QNG1: variants seen among roughly 807,000 people sequenced by gnomAD.
The protein encoded by QNG1 is queuosine 5'-phosphate N-glycosylase/hydrolase.
the QNG1 span, among the ~76,000 whole-genome samples, chr9:83,944,575 TG>T: frequency 6.6e-6 from 1 of 152,244 alleles, no homozygotes. Context: ...GAAATTATAA[TG>T]TTCAAATAGC....
chr9:83,951,169 C>A, the QNG1 span, among the ~76,000 whole-genome samples: 1 of 152,048 alleles, frequency 6.6e-6, no homozygotes, highest in Non-Finnish European at 1.5e-5. Flanking sequence ...TACTCGGGAG[C>A]TGAGGTGGGA....
chr9:83,944,682 A>G, the QNG1 span: 3 of 810,310 alleles, frequency 3.7e-6, no homozygotes, highest in Non-Finnish European at 1.9e-6. Context: ...TACATATACT[A>G]TGAACAATAA....
At chr9:83,944,218 A>G in the QNG1 span, among the ~76,000 whole-genome samples, 1 of 152,234 alleles carries the variant, frequency 6.6e-6, no homozygotes, top group Admixed American at 6.5e-5. Context: ...TGAAAATCAT[A>G]TAATTATTTT....
the QNG1 span, among the ~76,000 whole-genome samples, chr9:83,948,953 T>G: frequency 5.9e-5 from 9 of 151,932 alleles, no homozygotes; most frequent in Non-Finnish European, 1.2e-4. Context: ...ACACAAACAC[T>G]GCGGAAGGCC....
At chr9:83,956,566 CCTTGCGCTACTA>C in the QNG1 span, 1 of 1,380,528 alleles carries the variant, frequency 7.2e-7, no homozygotes, top group Non-Finnish European at 9.8e-7. Context: ...CCACTCTGCG[CCTTGCGCTACTA>C]CGAACCGCGC....
chr9:83,956,131 G>A, the QNG1 span: 1 of 1,599,676 alleles, frequency 6.3e-7, no homozygotes. Flanking sequence ...AACCTCAAAG[G>A]CCGTTAGGTC....
At chr9:83,948,294 AAGTGAGGAGCCCCTCCGCCCGGCAGCCG>A in the QNG1 span, among the ~76,000 whole-genome samples, 1,088 of 147,964 alleles carry the variant, frequency 7.4e-3, 25 homozygotes, top group East Asian at 0.034. Flanking sequence ...CCCGCCTGGG[AAGTGAGGAGCCCCTCCGCCCGGCAGCCG>A]CCCCGTCTGG....
At chr9:83,949,026 C>G in the QNG1 span, among the ~76,000 whole-genome samples, 1 of 123,426 alleles carries the variant, frequency 8.1e-6, no homozygotes, top group African/African-American at 4.4e-5. Flanking sequence ...CTGACCTTCC[C>G]TCCACTATTG....
the QNG1 span, among the ~76,000 whole-genome samples, chr9:83,948,741 T>G: frequency 6.6e-6 from 1 of 152,228 alleles, no homozygotes; most frequent in African/African-American, 2.4e-5. Flanking sequence ...CATTTTGTTA[T>G]GTACTAAGAA....
chr9:83,955,619 G>C, the QNG1 span: 4,404 of 1,613,262 alleles, frequency 2.7e-3, 74 homozygotes, highest in African/African-American at 0.038. Flanking sequence ...CGCGTAGTAC[G>C]AGGCACTAGT....
At chr9:83,954,095 A>T in the QNG1 span, among the ~76,000 whole-genome samples, 2 of 151,834 alleles carry the variant, frequency 1.3e-5, no homozygotes, top group Non-Finnish European at 1.5e-5. Context: ...GGGTTTCACC[A>T]TGTTGCTAGG....
chr9:83,954,764 C>T, the QNG1 span, among the ~76,000 whole-genome samples: 2 of 148,064 alleles, frequency 1.4e-5, no homozygotes, highest in East Asian at 4.0e-4. Context: ...CCTGTAATCC[C>T]AGCTAGTCGG....
the QNG1 span, chr9:83,938,584 T>G: frequency 6.6e-6 from 1 of 152,072 alleles, no homozygotes; most frequent in Non-Finnish European, 1.5e-5. Flanking sequence ...CACTGAAGAT[T>G]AGTCACATAA....
At chr9:83,953,490 G>T in the QNG1 span, among the ~76,000 whole-genome samples, 1 of 151,136 alleles carries the variant, frequency 6.6e-6, no homozygotes, top group Non-Finnish European at 1.5e-5. Flanking sequence ...TGGGATTACA[G>T]GCACCCACCA....
the QNG1 span, chr9:83,956,562 T>C: frequency 1.4e-6 from 2 of 1,401,932 alleles, no homozygotes; most frequent in South Asian, 1.4e-5. Flanking sequence ...AGGTCCACTC[T>C]GCGCCTTGCG....
the QNG1 span, chr9:83,939,839 C>T: frequency 1.2e-6 from 1 of 800,054 alleles, no homozygotes; most frequent in East Asian, 2.4e-5. Context: ...TTAAATGGTA[C>T]TCATTTTAAA....
the QNG1 span, among the ~76,000 whole-genome samples, chr9:83,948,347 C>A: frequency 8.2e-5 from 9 of 109,108 alleles, no homozygotes; most frequent in Admixed American, 7.4e-4. Context: ...TGAGGAGGGT[C>A]TCCGCCCGGC....
the QNG1 span, among the ~76,000 whole-genome samples, chr9:83,950,222 G>GT: frequency 6.6e-6 from 1 of 151,646 alleles, no homozygotes; most frequent in African/African-American, 2.4e-5. Flanking sequence ...GCTAATTTTT[G>GT]TATTTTTAGT....
chr9:83,956,352 T>G, the QNG1 span: 1 of 1,611,508 alleles, frequency 6.2e-7, no homozygotes, highest in African/African-American at 1.3e-5. Context: ...ATGAAGGGCT[T>G]TCCACCCCTC....
Sources: allele counts gnomAD v4.1 joint callset (sites outside exome capture counted in the v4.1 genomes callset), GRCh38; gene constraint gnomAD v4.1.1; transcripts MANE v1.5; gene names NCBI Gene and HGNC (gene_info 2026-07-23, HGNC 2026-07-21).